The following ZNF438 variants were observed in gnomAD, a reference collection of about 807,000 sequenced individuals.
ZNF438 encodes the protein zinc finger protein 438.
Under a neutral mutation model 38.0 loss-of-function variants are expected in ZNF438, and 25 were observed. That is an observed-to-expected ratio of 0.66 (90% CI 0.48 to 0.92). The LOEUF (loss-of-function observed/expected upper bound fraction) is 0.92. Among genes scored for constraint, ZNF438 ranks in the 40% least tolerant of loss-of-function variants. The pLI, the probability that ZNF438 is intolerant of heterozygous loss-of-function variation, is 0.00. For synonymous variants in ZNF438, 372 were observed against 364.1 expected (o/e 1.02, Z -0.25); for missense variants, 1,007 against 999.6 (o/e 1.01, Z -0.10).
intron 1 of ZNF438, among the ~76,000 whole-genome samples, chr10:30,982,419 C>T (rs2052316462): frequency 6.6e-6 from 1 of 152,086 alleles, no homozygotes; most frequent in Non-Finnish European, 1.5e-5. Context: ...TTTTTCTCAA[C>T]TTCCCAACCA....
rs764272220 is a variant in ZNF438 at position 30,850,159 on chromosome 10, C to CA, written c.245dup (p.Met83AspfsTer33). Reference sequence around the variant, plus strand: ...TCCCCTCCTGGCCAGCAACCTGCATCAGGGCATAGTTCTGGGTGGACATCC... The same window carrying CA: ...TCCCCTCCTGGCCAGCAACCTGCATCAAGGGCATAGTTCTGGGTGGACATCC... On this transcript the variant is annotated frameshift_variant, in exon 5 of 6. Transcript: ENST00000413025. LOFTEE classifies it high-confidence loss of function. 8.7e-6 allele frequency: 14 copies of CA among 1,614,126 alleles called. No homozygotes were observed. In the Middle Eastern group the frequency reaches 8.2e-4, roughly 95 times the overall value.
intron 1 of ZNF438, among the ~76,000 whole-genome samples, chr10:31,018,879 A>C (rs977480859): frequency 3.3e-5 from 5 of 152,172 alleles, no homozygotes; most frequent in Admixed American, 3.3e-4. Context: ...AGGGGTGGGC[A>C]GACGAAGTTC....
intron 3 of ZNF438, among the ~76,000 whole-genome samples, chr10:30,890,375 T>C (rs1462051633): frequency 1.3e-5 from 2 of 152,248 alleles, no homozygotes; most frequent in Non-Finnish European, 2.9e-5. Flanking sequence ...CCAACTCATC[T>C]GGTTCTAACT....
At chr10:30,934,777 T>C (rs1167168822) in intron 2 of ZNF438, among the ~76,000 whole-genome samples, 2 of 152,154 alleles carry the variant, frequency 1.3e-5, no homozygotes, top group Non-Finnish European at 2.9e-5. Context: ...TCTATCAGAG[T>C]TCAGACCTAT....
chr10:30,980,183 G>A (rs562168164), intron 1 of ZNF438, among the ~76,000 whole-genome samples: 1 of 150,272 alleles, frequency 6.7e-6, no homozygotes, highest in South Asian at 2.1e-4. Context: ...GTGAGACAAC[G>A]TTTCATCCTG....
chr10:30,984,151 TA>T (rs1302518880), intron 1 of ZNF438, among the ~76,000 whole-genome samples: 2 of 152,160 alleles, frequency 1.3e-5, no homozygotes, highest in Admixed American at 1.3e-4. Context: ...ATTATACAAA[TA>T]AGCCTAAAAT....
chr10:30,906,465 A>C (rs1041375922), intron 3 of ZNF438, among the ~76,000 whole-genome samples: 3 of 152,096 alleles, frequency 2.0e-5, no homozygotes, highest in Non-Finnish European at 4.4e-5. Context: ...AGTTCTAAGA[A>C]TTTTTTAGTG....
chr10:31,015,604 A>C (rs2056129597), intron 1 of ZNF438, among the ~76,000 whole-genome samples: 1 of 152,216 alleles, frequency 6.6e-6, no homozygotes, highest in Non-Finnish European at 1.5e-5. Context: ...AGATCATGCC[A>C]CTGCACTCCA....
At chr10:30,976,879 G>A (rs182007359) in intron 1 of ZNF438, among the ~76,000 whole-genome samples, 10 of 151,876 alleles carry the variant, frequency 6.6e-5, no homozygotes, top group Non-Finnish European at 1.0e-4. Flanking sequence ...TAAAATTGAC[G>A]GAAGAAATCA....
Position 30,926,557 on chromosome 10 carries a change from T to C in ZNF438, c.-115+15018A>G, listed in dbSNP as rs558487517. The stretch of plus-strand genomic sequence containing the variant: ...GGCGGGTGCCTGTAGTTCCAGCTAC[T>C]GGGGAGGCTGAGACAGGAGAATCAC... On this transcript the variant is annotated intron_variant, in intron 2 of 5. Transcript: ENST00000413025. 6.6e-5 allele frequency among the ~76,000 whole-genome samples: 10 copies of C among 151,446 alleles called. No homozygotes were observed. In the East Asian group the frequency reaches 1.7e-3, roughly 26 times the overall value.
chr10:30,951,325 T>C (rs1462973974), intron 1 of ZNF438, among the ~76,000 whole-genome samples: 246 of 148,874 alleles, frequency 1.7e-3, no homozygotes, highest in African/African-American at 5.3e-3. Flanking sequence ...AGCATTCCCT[T>C]TGAAAACTGG....
At chr10:30,974,426 T>C (rs1465200798) in intron 1 of ZNF438, among the ~76,000 whole-genome samples, 1 of 152,184 alleles carries the variant, frequency 6.6e-6, no homozygotes. Context: ...TAAGCTATCA[T>C]CAAGCTATTG....
intron 2 of ZNF438, among the ~76,000 whole-genome samples, chr10:30,929,276 CAGGTCGTGTGT>C (rs1265785345): frequency 4.6e-5 from 7 of 152,146 alleles, no homozygotes; most frequent in Non-Finnish European, 1.0e-4. Flanking sequence ...ACAGTTCTTA[CAGGTCGTGTGT>C]TCGGAGTTTG....
In ZNF438 at chr10:30,848,931, TG is replaced by T; in HGVS notation, c.1473del (p.Ser492AlafsTer35). The T allele has an allele frequency of 6.2e-7, 1 of 1,614,206 alleles. No homozygotes were observed. Among genetic ancestry groups the T allele is most frequent in the Non-Finnish European group, 8.5e-7 (1 of 1,180,042 alleles). On this transcript the variant is annotated frameshift_variant, in exon 5 of 6. Coordinates refer to ENST00000413025, the Ensembl canonical transcript of ZNF438. LOFTEE classifies it high-confidence loss of function. ...GAGAATCCATTTCTGAACACGGAGC[TG>T]GGCTTAGGGGAAGAGCTGTTGTCTT...
At chr10:30,998,540 C>CAAAAAAAAAAAAAAAAAAA (rs55838240) in intron 1 of ZNF438, among the ~76,000 whole-genome samples, 1 of 33,878 alleles carries the variant, frequency 3.0e-5, no homozygotes, top group Non-Finnish European at 4.8e-5. Flanking sequence ...GAGACTGTCT[C>CAAAAAAAAAAAAAAAAAAA]AAAAAAAAAA....
At chr10:30,881,600 C>T (rs925758174) in intron 3 of ZNF438, among the ~76,000 whole-genome samples, 1 of 152,016 alleles carries the variant, frequency 6.6e-6, no homozygotes, top group African/African-American at 2.4e-5. Flanking sequence ...TAATCAAAAT[C>T]CCAGTAGACT....
rs747089548 is a variant in ZNF438 at position 30,849,918 on chromosome 10, G to C, written c.487C>G (p.Pro163Ala). The C allele has an allele frequency of 8.1e-6, 13 of 1,614,052 alleles. No homozygotes were observed. In the African/African-American group the frequency reaches 1.1e-4, roughly 13 times the overall value. ...TACAGGAGTTCAGGGTGGTGAGGTG[G>C]GGAAGGGGACATCTGAGGACACATT... Residue 163 changes from proline (P) to alanine (A), a missense_variant, in exon 5 of 6, where the codon CCA becomes GCA. Pro to Ala is a conservative substitution (Grantham distance 27, BLOSUM62 -1). Coordinates refer to ENST00000413025, the Ensembl canonical transcript of ZNF438.
intron 5 of ZNF438, among the ~76,000 whole-genome samples, chr10:30,847,045 G>A (rs1385404160): frequency 6.6e-6 from 1 of 152,190 alleles, no homozygotes; most frequent in African/African-American, 2.4e-5. Flanking sequence ...AGGACAGCTC[G>A]GTGCCAGCCT....
chr10:30,955,152 C>T (rs2048724267), intron 1 of ZNF438, among the ~76,000 whole-genome samples: 1 of 152,116 alleles, frequency 6.6e-6, no homozygotes, highest in African/African-American at 2.4e-5. Context: ...GAACAGTGTA[C>T]TTGTTGTAAA....
Sources: gnomAD v4.1 joint callset for allele counts (sites outside exome capture counted in the v4.1 genomes callset) on GRCh38, gnomAD v4.1.1 for gene constraint, MANE v1.5 for transcripts, NCBI Gene and HGNC (gene_info 2026-07-23, HGNC 2026-07-21) for gene names.